MZT2A: variants seen among roughly 807,000 people sequenced by gnomAD.
MZT2A encodes mitotic spindle organizing protein 2A.
Under a neutral mutation model 12.4 loss-of-function variants are expected in MZT2A, and 8 were observed. The observed-to-expected ratio is 0.64, with a 90% CI of 0.38 to 1.16. The LOEUF (loss-of-function observed/expected upper bound fraction) is 1.16, where lower values mean the gene tolerates loss of function less well. MZT2A is among the 50% of genes most tolerant of loss of function. MZT2A has a pLI of 0.01. For synonymous variants in MZT2A, 88 were observed against 107.5 expected, an observed-to-expected ratio of 0.82 and a Z score of 1.12; for missense variants, 181 against 223.6, an observed-to-expected ratio of 0.81 and a Z score of 1.22.
At chr2:131,474,102 CTT>C (rs996015413) in intron 2 of MZT2A, among the ~76,000 whole-genome samples, 2 of 135,170 alleles carry the variant, frequency 1.5e-5, no homozygotes, top group African/African-American at 3.2e-5. Context: ...CAATAAATAG[CTT>C]TTTTTTTTTT....
chr2:131,482,890 G>A (rs762326604), downstream of MZT2A: 6 of 1,587,838 alleles, frequency 3.8e-6, no homozygotes, highest in Non-Finnish European at 5.1e-6. Context: ...CCCCGGGATG[G>A]CTGCTTCCAA....
At chr2:131,480,609 G>A (rs1559350012), downstream of MZT2A, 2 of 1,613,362 alleles carry the variant, frequency 1.2e-6, no homozygotes, top group Non-Finnish European at 8.5e-7. Flanking sequence ...GGTCAAGTGT[G>A]ACCCTCGCCA....
chr2:131,479,996 G>GC (rs2104724716), downstream of MZT2A: 6 of 1,507,372 alleles, frequency 4.0e-6, no homozygotes, highest in East Asian at 1.4e-4. Flanking sequence ...GCAAAGAGAA[G>GC]CGGCCCTGGC....
intron 2 of MZT2A, chr2:131,476,246 G>A (rs570202778): frequency 5.0e-6 from 8 of 1,613,626 alleles, no homozygotes; most frequent in Admixed American, 1.7e-5. Flanking sequence ...CCAGGCAGAC[G>A]AAGTTGGCCT....
downstream of MZT2A, among the ~76,000 whole-genome samples, chr2:131,481,144 TCTGC>T (rs1331724620): frequency 6.6e-6 from 1 of 152,210 alleles, no homozygotes; most frequent in Admixed American, 6.5e-5. Context: ...CCTCAGGTGA[TCTGC>T]CTGCCTCAGC....
In MZT2A at chr2:131,492,349, G is replaced by A; in HGVS notation, c.28C>T (p.Pro10Ser). The A allele has an allele frequency of 6.7e-7, 1 of 1,486,188 alleles. No homozygotes were observed. The highest frequency in any genetic ancestry group is 2.7e-5 in the East Asian group (1 of 36,656). 92.1% of individuals were successfully genotyped at this position (1,486,188 alleles called of 1,614,324 possible). Residue 10 changes from proline to serine, a missense_variant, in exon 1 of 3, where the codon CCG (proline) becomes TCG (serine). By Grantham distance (74) the Pro-to-Ser change is moderately conservative. Around this residue, in one of 3 missense-constraint regions of MZT2A, gnomAD observed 106 missense variants for 127.2 expected, o/e 0.83. Transcript: ENST00000309451. MAAQGVGPG[P>S]GSAAPPGLEA... ...AGCCCCGGGGGCGCCGCCGACCCCG[G>A]CCCAGGCCCTACGCCCTGCGCCGCC... is the stretch of plus-strand genomic sequence containing the variant.
At chr2:131,473,140 CT>C (rs1430273550) in intron 2 of MZT2A, among the ~76,000 whole-genome samples, 1 of 151,944 alleles carries the variant, frequency 6.6e-6, no homozygotes, top group East Asian at 1.9e-4. Flanking sequence ...GCCTCTGGGG[CT>C]TTTAGCCTCC....
downstream of MZT2A, among the ~76,000 whole-genome samples, chr2:131,481,924 T>C (rs1185910658): frequency 6.6e-6 from 1 of 152,240 alleles, no homozygotes; most frequent in Non-Finnish European, 1.5e-5. Context: ...CCCTGTGCAC[T>C]GCGGCCAGGA....
intron 2 of MZT2A, among the ~76,000 whole-genome samples, chr2:131,477,478 C>A (rs903754386): frequency 2.0e-5 from 3 of 152,018 alleles, no homozygotes. Flanking sequence ...GGGCAGCCTG[C>A]CAAAAGTGTG....
At chr2:131,492,520 T>G (rs12988424), upstream of MZT2A, 224,011 of 1,118,812 alleles carry the variant, frequency 0.2, 26,816 homozygotes, top group East Asian at 0.75. Context: ...GGCCGCCTCC[T>G]CGGCGTCATT....
downstream of MZT2A, chr2:131,479,998 G>A (rs540555988): frequency 1.1e-5 from 17 of 1,509,086 alleles, no homozygotes; most frequent in African/African-American, 1.4e-4. Context: ...AAAGAGAAGC[G>A]GCCCTGGCTT....
chr2:131,485,258 G>C (rs1275948859), intron 2 of MZT2A, among the ~76,000 whole-genome samples: 1 of 152,152 alleles, frequency 6.6e-6, no homozygotes, highest in African/African-American at 2.4e-5. Flanking sequence ...GGAGTGCCTT[G>C]ACCACTCTGA....
rs1679368573 is a variant in MZT2A at position 131,492,387 on chromosome 2, C to T, written c.-11G>A. The stretch of plus-strand genomic sequence containing the variant: ...GCCCTGCGCCGCCATCCGCGAGGCC[C>T]GCCGAAAGGTGCGCCCCGCCCCGCC... On this transcript the variant is annotated 5_prime_UTR_variant, in exon 1 of 3. Transcript: ENST00000309451. 2 of 1,293,572 alleles carry T rather than the reference C, an allele frequency of 1.5e-6. No individual in the cohort carries two copies. The highest frequency in any genetic ancestry group is 3.1e-5 in the African/African-American group (2 of 64,168). 80.1% of individuals were successfully genotyped at this position (1,293,572 alleles called of 1,614,324 possible).
upstream of MZT2A, chr2:131,492,451 A>G: frequency 8.5e-7 from 1 of 1,180,976 alleles, no homozygotes. Context: ...CTCTCCCTGC[A>G]GCGCCAGCGT....
At chr2:131,491,257 G>A (rs1309566109) in intron 2 of MZT2A, 1 of 361,766 alleles carries the variant, frequency 2.8e-6, no homozygotes, top group Non-Finnish European at 5.3e-6. Flanking sequence ...GAGGGAGGAG[G>A]CCCTTCAGAC....
intron 2 of MZT2A, among the ~76,000 whole-genome samples, chr2:131,484,693 T>C (rs971167249): frequency 3.0e-4 from 45 of 152,224 alleles, no homozygotes; most frequent in Non-Finnish European, 5.9e-4. Flanking sequence ...AGTACTGCAG[T>C]CACCAAGTCC....
intron 2 of MZT2A, among the ~76,000 whole-genome samples, chr2:131,489,004 C>A (rs1307381654): frequency 1.9e-4 from 29 of 151,744 alleles, no homozygotes; most frequent in African/African-American, 5.8e-4. Flanking sequence ...TGTGCCCCCC[C>A]ACCTGCCTCC....
At chr2:131,492,903 G>A (rs1348046303), upstream of MZT2A, 19 of 1,512,330 alleles carry the variant, frequency 1.3e-5, no homozygotes, top group Non-Finnish European at 1.7e-5. Context: ...GGCGCATTCA[G>A]CTAAGGACCA....
intron 2 of MZT2A, chr2:131,490,820 G>A (rs1200679588): frequency 1.2e-5 from 19 of 1,549,994 alleles, no homozygotes; most frequent in East Asian, 4.9e-5. Context: ...CAGAGAGGCC[G>A]CAGGCTGCGG....
Sources: allele counts gnomAD v4.1 joint callset (sites outside exome capture counted in the v4.1 genomes callset), GRCh38; gene constraint gnomAD v4.1.1; regional missense constraint gnomAD v4.1.1; transcripts MANE v1.5; gene names NCBI Gene and HGNC (gene_info 2026-07-23, HGNC 2026-07-21).